KCND3: variants seen among roughly 807,000 people sequenced by gnomAD.
KCND3 encodes A-type voltage-gated potassium channel KCND3.
KCND3 carries 9 observed loss-of-function variants against 51.1 expected under a neutral mutation model. That is an observed-to-expected ratio of 0.18 (90% CI 0.11 to 0.31). The LOEUF is 0.31. Among genes scored for constraint, KCND3 ranks in the 10% least tolerant of loss-of-function variants. KCND3 has a pLI of 1.00. For synonymous variants in KCND3, 349 were observed against 368.0 expected, an observed-to-expected ratio of 0.95 and a Z score of 0.59; for missense variants, 526 against 903.8, an observed-to-expected ratio of 0.58 and a Z score of 5.36.
At chr1:111,785,063 T>A (rs1278220569) in intron 3 of KCND3, among the ~76,000 whole-genome samples, 3 of 151,970 alleles carry the variant, frequency 2.0e-5, no homozygotes, top group African/African-American at 7.3e-5. Context: ...ATAATAATAA[T>A]AATAAATCAA....
intron 2 of KCND3, among the ~76,000 whole-genome samples, chr1:111,875,088 A>C (rs894839537): frequency 6.6e-6 from 1 of 152,042 alleles, no homozygotes; most frequent in Non-Finnish European, 1.5e-5. Flanking sequence ...GGCTCCAGGG[A>C]CCTGGGGCTG....
chr1:111,892,951 G>A (rs1232988791), intron 2 of KCND3, among the ~76,000 whole-genome samples: 1 of 152,206 alleles, frequency 6.6e-6, no homozygotes, highest in Non-Finnish European at 1.5e-5. Flanking sequence ...ACTTCCTGGA[G>A]AAGGTGAGTT....
At chr1:111,904,850 T>C (rs71513979) in intron 2 of KCND3, among the ~76,000 whole-genome samples, 12,993 of 152,256 alleles carry the variant, frequency 0.085, 884 homozygotes, top group South Asian at 0.23. Flanking sequence ...CTTGACTCTG[T>C]GGAGGTAGAC....
At chr1:111,851,952 T>C (rs373864525) in intron 2 of KCND3, among the ~76,000 whole-genome samples, 1 of 152,228 alleles carries the variant, frequency 6.6e-6, no homozygotes, top group African/African-American at 2.4e-5. Flanking sequence ...TATAGCCTCC[T>C]CTTGTCTCTG....
At chr1:111,777,368 A>C in intron 6 of KCND3, 95 bp from the exon 7 acceptor site, 1 of 1,391,178 alleles carries the variant, frequency 7.2e-7, no homozygotes, top group Non-Finnish European at 1.0e-6. Flanking sequence ...TCTGTTCTGG[A>C]CCTTGAAGGA....
Position 111,955,395 on chromosome 1 carries a change from C to T in KCND3, c.1106+26226G>A, listed in dbSNP as rs144413378. ...CATCATTGCACTCCAGCCTGGGCAA[C>T]GGAGCAAGACCCTGTCTCAAACAAC... On this transcript the variant is annotated intron_variant, in intron 2 of 7. Transcript: ENST00000302127. Among the ~76,000 whole-genome samples, 1,271 of 152,266 alleles carry T rather than the reference C, an allele frequency of 8.3e-3. 13 individuals carry two copies. Among genetic ancestry groups the T allele is most frequent in the Non-Finnish European group, 9.4e-3 (639 of 68,008 alleles).
intron 2 of KCND3, among the ~76,000 whole-genome samples, chr1:111,968,772 C>A (rs1160373746): frequency 6.6e-6 from 1 of 152,164 alleles, no homozygotes; most frequent in Admixed American, 6.5e-5. Context: ...GAACTGGCTT[C>A]CAGCTCTCTG....
chr1:111,792,357 C>T lies in KCND3; in HGVS notation c.1107-5251G>A, dbSNP rs478257. ...GTCACTCAGGTAGTCAGAGGCAGAA[C>T]AACTGGGGTTAGAGCAGAGATGTTT... On this transcript the variant is annotated intron_variant, in intron 2 of 7. Coordinates refer to ENST00000302127, the MANE Select transcript of KCND3 (RefSeq NM_001378969.1). 5.8e-3 allele frequency among the ~76,000 whole-genome samples: 881 copies of T among 152,318 alleles called. 7 individuals carry two copies. The highest frequency in any genetic ancestry group is 0.02 in the African/African-American group (836 of 41,564).
intron 2 of KCND3, among the ~76,000 whole-genome samples, chr1:111,967,088 C>T (rs1170763758): frequency 6.8e-5 from 10 of 147,394 alleles, no homozygotes; most frequent in African/African-American, 1.3e-4. Flanking sequence ...TGCAGTGAGC[C>T]GAGATCACGC....
intron 2 of KCND3, among the ~76,000 whole-genome samples, chr1:111,936,225 C>T (rs533697516): frequency 6.6e-5 from 10 of 152,306 alleles, no homozygotes; most frequent in Admixed American, 2.6e-4. Flanking sequence ...ACTGGTGAGG[C>T]TGGTCCCAGC....
chr1:111,851,061 C>A (rs1169342490), intron 2 of KCND3, among the ~76,000 whole-genome samples: 2 of 152,180 alleles, frequency 1.3e-5, no homozygotes, highest in African/African-American at 4.8e-5. Context: ...TAATAACCCC[C>A]ACCCCTGCTA....
In KCND3 at chr1:111,982,945, G is replaced by A; in HGVS notation, c.-72-147C>T. The A allele has an allele frequency of 1.5e-6, 1 of 654,340 alleles. No homozygotes were observed. The highest frequency in any genetic ancestry group is 2.8e-5 in the East Asian group (1 of 36,114). 40.5% of individuals were successfully genotyped at this position (654,340 alleles called of 1,614,324 possible). On this transcript the variant is annotated intron_variant, in intron 1 of 7. Coordinates refer to ENST00000302127, the MANE Select transcript of KCND3 (RefSeq NM_001378969.1). This position sits in a 1 kb window ranked among gnomAD's most constrained non-coding sequence, Gnocchi z 8.5. ...AAACTGAAATCCCCACCACAGAGAG[G>A]GGACTTGATTCTTTGCCATCCAGAC...
chr1:111,921,978 T>C (rs1671494224), intron 2 of KCND3, among the ~76,000 whole-genome samples: 1 of 152,118 alleles, frequency 6.6e-6, no homozygotes, highest in Non-Finnish European at 1.5e-5. Context: ...GGGTAAGCAA[T>C]GATTTAAAAA....
Position 111,771,279 on chromosome 1 carries a change from C to T in KCND3, c.*4798G>A, listed in dbSNP as rs1435431364. ...TTCTCTTAGTTTTAATGATGCTCTTCATGGTGCTGTTTGGGCTCCGAGGGT... is the reference window on the plus strand; with the variant it reads ...TTCTCTTAGTTTTAATGATGCTCTTTATGGTGCTGTTTGGGCTCCGAGGGT... On this transcript the variant is annotated 3_prime_UTR_variant, in exon 8 of 8. Transcript: ENST00000302127. 1 of 152,204 alleles carries T rather than the reference C, an allele frequency of 6.6e-6. No homozygotes were observed. The highest frequency in any genetic ancestry group is 6.5e-5 in the Admixed American group (1 of 15,288). The allele number at this position is 152,204 out of a possible 1,614,324, so 9.4% of individuals were successfully genotyped here.
intron 2 of KCND3, among the ~76,000 whole-genome samples, chr1:111,811,101 G>C (rs1218935231): frequency 6.6e-6 from 1 of 152,182 alleles, no homozygotes; most frequent in Non-Finnish European, 1.5e-5. Flanking sequence ...CTGATGATCA[G>C]GGGAGAGGGG....
At chr1:111,865,551 A>T (rs1668518643) in intron 2 of KCND3, among the ~76,000 whole-genome samples, 1 of 152,162 alleles carries the variant, frequency 6.6e-6, no homozygotes, top group South Asian at 2.1e-4. Flanking sequence ...GTGTTTCTAT[A>T]AATTATTATC....
chr1:111,934,472 C>A (rs1017833114), intron 2 of KCND3, among the ~76,000 whole-genome samples: 2 of 152,212 alleles, frequency 1.3e-5, no homozygotes, highest in African/African-American at 2.4e-5. Context: ...ACCTCAGCCC[C>A]AGACATAGAA....
rs1664436934 is a variant in KCND3 at position 111,782,706 on chromosome 1, G to T, written c.1270-1915C>A. On this transcript the variant is annotated intron_variant, in intron 3 of 7. Transcript: ENST00000302127. ...GAGCCAGACCGTTCTTGTATCTGGG[G>T]TCCGTCTTCATTAGTTTCTAGAGAT... is the stretch of plus-strand genomic sequence containing the variant. Among the ~76,000 whole-genome samples, 3 of 152,088 alleles carry T rather than the reference G, an allele frequency of 2.0e-5. No homozygotes were observed. The South Asian group carries it at 6.2e-4, about 32-fold the overall frequency.
intron 2 of KCND3, among the ~76,000 whole-genome samples, chr1:111,805,696 G>C (rs1665534112): frequency 6.6e-6 from 1 of 152,250 alleles, no homozygotes; most frequent in African/African-American, 2.4e-5. Context: ...GGGACATGGA[G>C]AGCTGGAGTC....
Sources: gnomAD v4.1 joint callset for allele counts (sites outside exome capture counted in the v4.1 genomes callset) on GRCh38, gnomAD v4.1.1 for gene constraint, Gnocchi (gnomAD v3.1) non-coding constraint, MANE v1.5 for transcripts, NCBI Gene and HGNC (gene_info 2026-07-23, HGNC 2026-07-21) for gene names.